CDK14: variants seen among roughly 807,000 people sequenced by gnomAD.
The protein encoded by CDK14 is cyclin-dependent kinase 14.
In CDK14, 34 loss-of-function variants were observed where a neutral mutation model predicts 60.7. The ratio of observed to expected loss-of-function variants is 0.56; its 90% CI spans 0.43 to 0.75. The LOEUF is 0.75. Among genes scored for constraint, CDK14 ranks in the 30% least tolerant of loss-of-function variants. The pLI, the probability that CDK14 is intolerant of heterozygous loss-of-function variation, is 0.00. For synonymous variants in CDK14, 197 were observed against 203.7 expected (o/e 0.97, Z 0.28); for missense variants, 482 against 564.1 (o/e 0.85, Z 1.47).
intron 5 of CDK14, among the ~76,000 whole-genome samples, chr7:90,829,972 C>T (rs1789862252): frequency 6.6e-6 from 1 of 152,242 alleles, no homozygotes; most frequent in African/African-American, 2.4e-5. Flanking sequence ...CCCATTGCTG[C>T]CTTCACGGGC....
chr7:90,917,865 TC>T, intron 8 of CDK14, 141 bp downstream of exon 8: 17 of 782,290 alleles, frequency 2.2e-5, no homozygotes, highest in Non-Finnish European at 2.9e-5. Context: ...AAGGATTTTT[TC>T]TTTTTTTTAA....
At chr7:90,696,636 G>C (rs1425882356) in intron 2 of CDK14, among the ~76,000 whole-genome samples, 1 of 152,032 alleles carries the variant, frequency 6.6e-6, no homozygotes, top group African/African-American at 2.4e-5. Context: ...ATAAGTATTT[G>C]GATATGTGAG....
chr7:90,937,499 G>A (rs1400994470), intron 8 of CDK14, among the ~76,000 whole-genome samples: 1 of 152,108 alleles, frequency 6.6e-6, no homozygotes, highest in Non-Finnish European at 1.5e-5. Context: ...AGTAAACATT[G>A]TATTTCTTGC....
chr7:91,163,249 A>G (rs997597420), intron 14 of CDK14, among the ~76,000 whole-genome samples: 10 of 152,220 alleles, frequency 6.6e-5, no homozygotes, highest in African/African-American at 1.7e-4. Context: ...CTTCATGTCT[A>G]TTCTGTGCTA....
At chr7:90,792,038 G>A (rs1381449564) in intron 5 of CDK14, among the ~76,000 whole-genome samples, 1 of 151,906 alleles carries the variant, frequency 6.6e-6, no homozygotes, top group East Asian at 1.9e-4. Context: ...GCATAGCTGG[G>A]ATTACAGGCG....
At chr7:90,937,016 C>T (rs963134538) in intron 8 of CDK14, among the ~76,000 whole-genome samples, 1 of 151,936 alleles carries the variant, frequency 6.6e-6, no homozygotes, top group African/African-American at 2.4e-5. Context: ...GATTTCAAGG[C>T]TTCAGTGAGG....
At chr7:90,790,839 A>G (rs1353356657) in intron 5 of CDK14, among the ~76,000 whole-genome samples, 187 bp downstream of exon 5, 2 of 152,246 alleles carry the variant, frequency 1.3e-5, no homozygotes, top group South Asian at 2.1e-4. Flanking sequence ...AAATGAAACA[A>G]GATTATCTGC....
At chr7:91,180,284 G>T (rs1250483946) in intron 14 of CDK14, among the ~76,000 whole-genome samples, 3 of 152,182 alleles carry the variant, frequency 2.0e-5, no homozygotes, top group Admixed American at 2.0e-4. Context: ...CCTTCAAGGA[G>T]TTTACCCTTC....
intron 5 of CDK14, among the ~76,000 whole-genome samples, chr7:90,858,266 T>C (rs578088265): frequency 1.3e-5 from 2 of 152,320 alleles, no homozygotes; most frequent in Admixed American, 6.5e-5. Context: ...TTGATTTTAC[T>C]GAAATTGTGG....
chr7:90,977,622 C>CATGAT (rs1795116896), intron 9 of CDK14, among the ~76,000 whole-genome samples: 1 of 152,048 alleles, frequency 6.6e-6, no homozygotes, highest in African/African-American at 2.4e-5. Context: ...ACATGTCACT[C>CATGAT]ATGATGTTAA....
chr7:91,030,342 G>A (rs531444359), intron 10 of CDK14, among the ~76,000 whole-genome samples: 7 of 152,174 alleles, frequency 4.6e-5, no homozygotes, highest in Admixed American at 3.3e-4. Flanking sequence ...TTTAGAACAG[G>A]TAAATGTATG....
chr7:90,706,465 G>A (rs1371979777), intron 2 of CDK14, among the ~76,000 whole-genome samples: 1 of 152,112 alleles, frequency 6.6e-6, no homozygotes, highest in Non-Finnish European at 1.5e-5. Context: ...TGTCCTAGGG[G>A]CTGGGGAAAC....
At chr7:91,102,112 C>T (rs1307976804) in intron 12 of CDK14, among the ~76,000 whole-genome samples, 1 of 152,108 alleles carries the variant, frequency 6.6e-6, no homozygotes, top group Non-Finnish European at 1.5e-5. Flanking sequence ...AATTCAGTGG[C>T]CAGCACCCGC....
At chr7:91,182,646 T>A (rs1562985856) in intron 14 of CDK14, among the ~76,000 whole-genome samples, 1 of 152,098 alleles carries the variant, frequency 6.6e-6, no homozygotes, top group African/African-American at 2.4e-5. Context: ...ATTTATGAAC[T>A]CCCCTCTCTT....
chr7:90,613,047 T>C (rs1799576531), intron 2 of CDK14, among the ~76,000 whole-genome samples: 1 of 152,200 alleles, frequency 6.6e-6, no homozygotes, highest in Admixed American at 6.5e-5. Flanking sequence ...CTTCAGTTTT[T>C]CCTTTTTATA....
At chr7:91,113,299 TG>T (rs1261902427) in intron 13 of CDK14, among the ~76,000 whole-genome samples, 4 of 152,252 alleles carry the variant, frequency 2.6e-5, no homozygotes, top group Admixed American at 2.6e-4. Context: ...TAACTGCAAA[TG>T]CTCTTGGTAT....
chr7:90,980,017 G>A (rs1795187826), intron 9 of CDK14, among the ~76,000 whole-genome samples: 1 of 151,876 alleles, frequency 6.6e-6, no homozygotes, highest in African/African-American at 2.4e-5. Flanking sequence ...AATTATGTAA[G>A]TTTCAATCCT....
intron 6 of CDK14, among the ~76,000 whole-genome samples, chr7:90,881,923 A>G (rs534389245): frequency 6.6e-6 from 1 of 152,326 alleles, no homozygotes; most frequent in Non-Finnish European, 1.5e-5. Context: ...GCCCTGCAAG[A>G]GCTCTTAAAA....
intron 3 of CDK14, among the ~76,000 whole-genome samples, chr7:90,739,025 A>G (rs1803243700): frequency 6.6e-6 from 1 of 152,052 alleles, no homozygotes; most frequent in Admixed American, 6.6e-5. Flanking sequence ...AAAATAGGAG[A>G]CTCACTTTAT....
Sources: gnomAD v4.1 joint callset for allele counts (sites outside exome capture counted in the v4.1 genomes callset) on GRCh38, gnomAD v4.1.1 for gene constraint, MANE v1.5 for transcripts, NCBI Gene and HGNC (gene_info 2026-07-23, HGNC 2026-07-21) for gene names.